Variants in ACTR1B observed in about 807,000 individuals in gnomAD.
ACTR1B encodes the protein actin related protein 1B.
ACTR1B carries 34 observed loss-of-function variants against 49.4 expected under a neutral mutation model. That is an observed-to-expected ratio of 0.69 (90% CI 0.52 to 0.92). ACTR1B has a LOEUF of 0.92. Ranked by LOEUF, ACTR1B falls within the 40% of genes least tolerant of loss-of-function variation. ACTR1B has a pLI of 0.00. For synonymous variants in ACTR1B, 207 were observed against 207.8 expected, an observed-to-expected ratio of 1.00 and a Z score of 0.03; for missense variants, 471 against 522.4, an observed-to-expected ratio of 0.90 and a Z score of 0.96.
At position 97,659,338 on chromosome 2, in the gene ACTR1B, G is replaced by A. The variant is rs1327218007; in HGVS notation, c.315+14C>T. The stretch of plus-strand genomic sequence containing the variant: ...AGGAGAATGCAGAGCATGCAGGAGG[G>A]GCAGCCGCCACACCTCCTCCGAGAA... On this transcript the variant is annotated intron_variant, in intron 4 of 10. Transcript: ENST00000289228. The surrounding 1 kb of genome is among the most constrained non-coding windows in gnomAD (Gnocchi z 4.0). 2 of 1,613,706 alleles carry A rather than the reference G, an allele frequency of 1.2e-6. No individual in the cohort carries two copies. The highest frequency in any genetic ancestry group is 1.7e-6 in the Non-Finnish European group (2 of 1,179,972).
At chr2:97,661,051 C>T (rs1043706917) in intron 2 of ACTR1B, among the ~76,000 whole-genome samples, 13 of 152,218 alleles carry the variant, frequency 8.5e-5, no homozygotes, top group Non-Finnish European at 1.6e-4. Flanking sequence ...CCCTTGTGCA[C>T]CCTGCTCTCA....
chr2:97,659,150 T>C lies in ACTR1B; in HGVS notation c.316-147A>G. 6.9e-7 allele frequency: 1 copy of C among 1,458,420 alleles called. No individual in the cohort carries two copies. Among genetic ancestry groups the C allele is most frequent in the Non-Finnish European group, 9.4e-7 (1 of 1,068,054 alleles). 90.3% of individuals were successfully genotyped at this position (1,458,420 alleles called of 1,614,324 possible). A position where few individuals can be genotyped will look rare whatever the true frequency, so the allele number is the denominator to read the frequency against. On this transcript the variant is annotated intron_variant, in intron 4 of 10. Transcript: ENST00000289228. The surrounding 1 kb of genome is among the most constrained non-coding windows in gnomAD (Gnocchi z 4.0). ...GCCCCATCCCTTTATCTGCTGGCAGTTACTCTTCCGGAGATCCGGCTCTCT... is the reference window on the plus strand; with the variant it reads ...GCCCCATCCCTTTATCTGCTGGCAGCTACTCTTCCGGAGATCCGGCTCTCT...
chr2:97,658,079 G>C lies in ACTR1B; in HGVS notation c.789C>G (p.Phe263Leu), dbSNP rs1435691507. The change falls in exon 8 of 11, where the codon TTC becomes TTG. Residue 263 changes from phenylalanine to leucine, a missense_variant. Physicochemically the swap from Phe to Leu is conservative, Grantham distance 22. Transcript: ENST00000289228. The surrounding 1 kb of genome is among the most constrained non-coding windows in gnomAD (Gnocchi z 5.9). Reference protein sequence around the residue: ...PARFRAPELLFQPDLVGDESE... With the variant: ...PARFRAPELLLQPDLVGDESE... ...TCTCATCCCCGACAAGGTCCGGCTG[G>C]AACAGCAGCTCGGGGGCCCGGAATC... The C allele has an allele frequency of 5.6e-6, 9 of 1,614,008 alleles. No individual in the cohort carries two copies. Among genetic ancestry groups the C allele is most frequent in the Non-Finnish European group, 7.6e-6 (9 of 1,180,034 alleles).
In ACTR1B at chr2:97,664,008, CG is replaced by C. The variant is rs1161496943; in HGVS notation, c.-119del. ...ACGCGGCGCCGCTGCCCTCCCTCCCCGAGCCTGCAGCCTACGCGAGCCCCGC... is the reference window on the plus strand; with the variant it reads ...ACGCGGCGCCGCTGCCCTCCCTCCCCAGCCTGCAGCCTACGCGAGCCCCGC... On this transcript the variant is annotated 5_prime_UTR_variant, in exon 1 of 11. Coordinates refer to ENST00000289228, the MANE Select transcript of ACTR1B (RefSeq NM_005735.4). 7.5e-6 allele frequency: 4 copies of C among 533,376 alleles called. No individual in the cohort carries two copies. The African/African-American group carries it at 8.2e-5, about 11-fold the overall frequency. The allele number at this position is 533,376 out of a possible 1,614,324, so 33.0% of individuals were successfully genotyped here. A position where few individuals can be genotyped will look rare whatever the true frequency, so the allele number is the denominator to read the frequency against.
In ACTR1B at chr2:97,657,954, G is replaced by A. The variant is rs747173514; in HGVS notation, c.914C>T (p.Thr305Met). ...TCAAGCCACAGTACCTTTGAAAAGC[G>A]TTGAGCCACCTGAGAGCACGATGTT... ...FANIVLSGGS[T>M]LFKGFGDRLL... Residue 305 changes from threonine to methionine, a missense_variant, in exon 8 of 11, where the codon ACG becomes ATG. Physicochemically the swap from Thr to Met is moderately conservative, Grantham distance 81. Coordinates refer to ENST00000289228, the MANE Select transcript of ACTR1B (RefSeq NM_005735.4). 19 of 1,614,098 alleles carry A rather than the reference G, an allele frequency of 1.2e-5. No homozygotes were observed. In the Middle Eastern group the frequency reaches 5.0e-4, roughly 42 times the overall value.
chr2:97,658,853 G>A lies in ACTR1B; in HGVS notation c.440+26C>T. On this transcript the variant is annotated intron_variant, in intron 5 of 10. Transcript: ENST00000289228. The surrounding 1 kb of genome is among the most constrained non-coding windows in gnomAD (Gnocchi z 5.9). ...ACGGCACAGGGAGGACAGGACTCAGGGAGGCCAGGCTTAGGGAGCACTCAC... is the reference window on the plus strand; with the variant it reads ...ACGGCACAGGGAGGACAGGACTCAGAGAGGCCAGGCTTAGGGAGCACTCAC... 6.2e-7 allele frequency: 1 copy of A among 1,613,876 alleles called. No homozygotes were observed. Among genetic ancestry groups the A allele is most frequent in the Non-Finnish European group, 8.5e-7 (1 of 1,179,952 alleles).
chr2:97,659,639 A>T lies in ACTR1B; in HGVS notation c.190-162T>A. ...TCCCAGGGTCTGTGGCGGGTCCTGAACTCAGCATGGGCTCACCTGCCCACC... is the reference window on the plus strand; with the variant it reads ...TCCCAGGGTCTGTGGCGGGTCCTGATCTCAGCATGGGCTCACCTGCCCACC... On this transcript the variant is annotated intron_variant, in intron 3 of 10. Coordinates refer to ENST00000289228, the MANE Select transcript of ACTR1B (RefSeq NM_005735.4). The surrounding 1 kb of genome is among the most constrained non-coding windows in gnomAD (Gnocchi z 4.0). 9.5e-7 allele frequency: 1 copy of T among 1,054,812 alleles called. No individual in the cohort carries two copies. The highest frequency in any genetic ancestry group is 1.4e-6 in the Non-Finnish European group (1 of 734,274). The allele number at this position is 1,054,812 out of a possible 1,614,324, so 65.3% of individuals were successfully genotyped here. A position where few individuals can be genotyped will look rare whatever the true frequency, so the allele number is the denominator to read the frequency against.
chr2:97,662,493 C>T (rs1470269252), intron 1 of ACTR1B, among the ~76,000 whole-genome samples: 2 of 151,394 alleles, frequency 1.3e-5, no homozygotes, highest in African/African-American at 4.9e-5. Context: ...CTGGAGAAGA[C>T]CAATGGGTGC....
chr2:97,658,813 G>C lies in ACTR1B; in HGVS notation c.440+66C>G. On this transcript the variant is annotated intron_variant, in intron 5 of 10. Coordinates refer to ENST00000289228, the MANE Select transcript of ACTR1B (RefSeq NM_005735.4). This position sits in a 1 kb window ranked among gnomAD's most constrained non-coding sequence, Gnocchi z 5.9. ...GTTTTTCCAGGGAAGTCAGACCCTG[G>C]TCATGGCAAGCAGGACGGCACAGGG... 1 of 1,609,616 alleles carries C rather than the reference G, an allele frequency of 6.2e-7. No homozygotes were observed. The highest frequency in any genetic ancestry group is 1.7e-5 in the Admixed American group (1 of 59,944).
At position 97,664,026 on chromosome 2, in the gene ACTR1B, G is replaced by C; in HGVS notation, c.-136C>G. On this transcript the variant is annotated 5_prime_UTR_variant, in exon 1 of 11. Transcript: ENST00000289228. ...CCCTCCCCGAGCCTGCAGCCTACGC[G>C]AGCCCCGCGGGGCTTTCTGGAGGGC... 2 of 405,692 alleles carry C rather than the reference G, an allele frequency of 4.9e-6. No individual in the cohort carries two copies. Among genetic ancestry groups the C allele is most frequent in the Non-Finnish European group, 7.9e-6 (2 of 252,724 alleles). 25.1% of individuals were successfully genotyped at this position (405,692 alleles called of 1,614,324 possible). A position where few individuals can be genotyped will look rare whatever the true frequency, so the allele number is the denominator to read the frequency against.
chr2:97,661,742 A>C, intron 2 of ACTR1B, 140 bp downstream of exon 2: 2 of 780,998 alleles, frequency 2.6e-6, no homozygotes, highest in Non-Finnish European at 4.3e-6. Context: ...GTGCTCTCTC[A>C]AGAGTGTCAA....
At chr2:97,661,248 C>G (rs961970545) in intron 2 of ACTR1B, among the ~76,000 whole-genome samples, 19 of 152,212 alleles carry the variant, frequency 1.2e-4, no homozygotes, top group Non-Finnish European at 2.2e-4. Flanking sequence ...AGGCCGGGCT[C>G]GGGCTAGCCT....
chr2:97,658,229 G>A lies in ACTR1B; in HGVS notation c.745C>T (p.Leu249Phe), dbSNP rs748073377. Residue 249 changes from leucine (L) to phenylalanine (F), a missense_variant, in exon 7 of 11, where the codon CTT becomes TTT. By Grantham distance (22) the Leu-to-Phe change is conservative. Coordinates refer to ENST00000289228, the MANE Select transcript of ACTR1B (RefSeq NM_005735.4). The surrounding 1 kb of genome is among the most constrained non-coding windows in gnomAD (Gnocchi z 5.9). ...TGCCAGGCCCGGCCACTTACATCAA[G>A]CGTGCTGCCGTCTGGCAACGTGTAC... ...VQYTLPDGST[L>F]DVGPARFRAP... The A allele has an allele frequency of 6.2e-7, 1 of 1,614,004 alleles. No homozygotes were observed. Among genetic ancestry groups the A allele is most frequent in the Non-Finnish European group, 8.5e-7 (1 of 1,180,044 alleles).
rs759046920 is a variant in ACTR1B, at chr2:97,658,914, C to T, written c.405G>A (p.Pro135=). 7.2e-5 allele frequency: 117 copies of T among 1,613,962 alleles called. No individual in the cohort carries two copies. Among genetic ancestry groups the T allele is most frequent in the South Asian group, 9.9e-5 (9 of 91,080 alleles). ...AEVFFETFNV[P]ALFISMQAVL... ...CAGCCTGCATGGAGATGAACAGGGC[C>T]GGCACGTTGAAGGTCTCAAAGAACA... is the stretch of plus-strand genomic sequence containing the variant. Residue 135 remains proline (P), a synonymous_variant, in exon 5 of 11, where the codon CCG becomes CCA. Coordinates refer to ENST00000289228, the MANE Select transcript of ACTR1B (RefSeq NM_005735.4). This position sits in a 1 kb window ranked among gnomAD's most constrained non-coding sequence, Gnocchi z 5.9.
Position 97,656,466 on chromosome 2 carries a change from C to G in ACTR1B, c.*392G>C. 1 of 254,110 alleles carries G rather than the reference C, an allele frequency of 3.9e-6. No homozygotes were observed. The highest frequency in any genetic ancestry group is 7.8e-6 in the Non-Finnish European group (1 of 127,804). 15.7% of individuals were successfully genotyped at this position (254,110 alleles called of 1,614,324 possible). A position where few individuals can be genotyped will look rare whatever the true frequency, so the allele number is the denominator to read the frequency against. On this transcript the variant is annotated 3_prime_UTR_variant, in exon 11 of 11. Transcript: ENST00000289228. ...GGATGCAGTGACACACCAGTGGGAG[C>G]TGCTGGCTGCCCCTTGCAGCCCACT...
Position 97,663,946 on chromosome 2 carries a change from CG to C in ACTR1B, c.-57del. ...CGGGCTGCAGGAGGCACCGGATGGG[CG>C]GGCGGGCGGGAGGACCGGGACGGCG... On this transcript the variant is annotated 5_prime_UTR_variant, in exon 1 of 11. Transcript: ENST00000289228. 5.2e-6 allele frequency: 1 copy of C among 193,424 alleles called. No individual in the cohort carries two copies. Among genetic ancestry groups the C allele is most frequent in the Non-Finnish European group, 1.1e-5 (1 of 91,702 alleles). The allele number at this position is 193,424 out of a possible 1,614,324, so 12.0% of individuals were successfully genotyped here. A position where few individuals can be genotyped will look rare whatever the true frequency, so the allele number is the denominator to read the frequency against.
Position 97,658,219 on chromosome 2 carries a change from C to T in ACTR1B, c.750+5G>A. The T allele has an allele frequency of 6.2e-7, 1 of 1,614,112 alleles. No homozygotes were observed. The highest frequency in any genetic ancestry group is 8.5e-7 in the Non-Finnish European group (1 of 1,180,042). On this transcript the variant is annotated splice_donor_5th_base_variant and intron_variant, in intron 7 of 10. Transcript: ENST00000289228. The surrounding 1 kb of genome is among the most constrained non-coding windows in gnomAD (Gnocchi z 5.9). ...GCCACTCCAGTGCCAGGCCCGGCCA[C>T]TTACATCAAGCGTGCTGCCGTCTGG...
Position 97,657,296 on chromosome 2 carries a change from C to T in ACTR1B, c.988-104G>A, listed in dbSNP as rs926104272. 1.8e-5 allele frequency: 27 copies of T among 1,536,092 alleles called. No homozygotes were observed. In the Admixed American group the frequency reaches 4.3e-4, roughly 24 times the overall value. On this transcript the variant is annotated intron_variant, in intron 9 of 10. Transcript: ENST00000289228. ...AGGTCCTGAAGCCTGACAGCAAAGG[C>T]ATAAGCTGGGGAGTGGCAGCAGCAG...
At position 97,661,941 on chromosome 2, in the gene ACTR1B, C is replaced by G. The variant is rs142909334; in HGVS notation, c.54G>C (p.Ser18=). Residue 18 remains serine (S), a synonymous_variant, in exon 2 of 11, where the codon TCG becomes TCC. Coordinates refer to ENST00000289228, the MANE Select transcript of ACTR1B (RefSeq NM_005735.4). ...CTGCAAAGCCAGCTTTAATCACCCCCGAACCCTGCAAGGAAAAACAAAGTT... is the reference window on the plus strand; with the variant it reads ...CTGCAAAGCCAGCTTTAATCACCCCGGAACCCTGCAAGGAAAAACAAAGTT... ...ANQPVVIDNG[S]GVIKAGFAGD... is the part of the protein sequence containing the mutation. 39 of 1,590,536 alleles carry G rather than the reference C, an allele frequency of 2.5e-5. No homozygotes were observed. The highest frequency in any genetic ancestry group is 3.5e-5 in the Admixed American group (2 of 57,128).
Sources: gnomAD v4.1 joint callset for allele counts (sites outside exome capture counted in the v4.1 genomes callset) on GRCh38, gnomAD v4.1.1 for gene constraint, Gnocchi (gnomAD v3.1) non-coding constraint, MANE v1.5 for transcripts, NCBI Gene and HGNC (gene_info 2026-07-23, HGNC 2026-07-21) for gene names.